Variants in LDAH observed in about 807,000 individuals in gnomAD.
The protein encoded by LDAH is lipid droplet associated hydrolase.
LDAH carries 26 observed loss-of-function variants against 29.6 expected under a neutral mutation model. The observed-to-expected ratio is 0.88, with a 90% CI of 0.64 to 1.22. The LOEUF is 1.22. Ranked by LOEUF, LDAH falls within the 50% of genes most tolerant of loss-of-function variation. The probability of loss-of-function intolerance (pLI) is 0.00; values close to 1 mark genes in which losing one functional copy is unlikely to be tolerated. For missense variants in LDAH, 344 were observed against 387.3 expected (o/e 0.89, Z 0.94); for synonymous variants, 117 against 133.0 (o/e 0.88, Z 0.83).
At chr2:20,771,482 C>T (rs150493264) in intron 4 of LDAH, among the ~76,000 whole-genome samples, 4 of 152,342 alleles carry the variant, frequency 2.6e-5, no homozygotes, top group South Asian at 2.1e-4. Flanking sequence ...CTTACACAAA[C>T]ATATTTGTCA....
intron 1 of LDAH, among the ~76,000 whole-genome samples, chr2:20,809,476 A>G (rs1176116209): frequency 6.6e-6 from 1 of 152,194 alleles, no homozygotes; most frequent in Non-Finnish European, 1.5e-5. Context: ...CACTATTAAG[A>G]GAGTCAGAAG....
At chr2:20,791,748 C>A (rs1223793289) in intron 2 of LDAH, among the ~76,000 whole-genome samples, 2 of 152,168 alleles carry the variant, frequency 1.3e-5, no homozygotes, top group East Asian at 3.8e-4. Context: ...GCATTTAAGT[C>A]TTCAGTAAGT....
intron 1 of LDAH, among the ~76,000 whole-genome samples, chr2:20,809,258 G>A (rs1157964431): frequency 1.4e-5 from 2 of 139,174 alleles, no homozygotes; most frequent in Admixed American, 6.9e-5. Context: ...AATTAGCTGC[G>A]CTTGGTGGCG....
intron 5 of LDAH, among the ~76,000 whole-genome samples, chr2:20,729,945 G>A (rs1454382777): frequency 6.6e-6 from 1 of 152,304 alleles, no homozygotes; most frequent in East Asian, 1.9e-4. Context: ...ACAGGTGTGT[G>A]CCACCATGCC....
At chr2:20,794,465 T>C (rs1440516060) in intron 2 of LDAH, among the ~76,000 whole-genome samples, 1 of 152,080 alleles carries the variant, frequency 6.6e-6, no homozygotes, top group East Asian at 1.9e-4. Flanking sequence ...TACAGACCAC[T>C]ATACCTCGTG....
At chr2:20,707,037 G>A (rs778982199) in intron 5 of LDAH, among the ~76,000 whole-genome samples, 9 of 152,120 alleles carry the variant, frequency 5.9e-5, no homozygotes, top group East Asian at 1.9e-4. Context: ...ATGATTCCAC[G>A]GTGAACATTT....
rs1226236225 is a variant in LDAH, at chr2:20,685,015, C to T, written c.*1888G>A. ...TCAGGAGAACTGCTCAAATTGTACC[C>T]TCTCTTGCCCAACACAGAGATCAGG... On this transcript the variant is annotated 3_prime_UTR_variant, in exon 7 of 7. Coordinates refer to ENST00000237822, the MANE Select transcript of LDAH (RefSeq NM_021925.4). The T allele has an allele frequency of 6.7e-7, 1 of 1,490,182 alleles. No homozygotes were observed. The highest frequency in any genetic ancestry group is 9.0e-7 in the Non-Finnish European group (1 of 1,106,546). The allele number at this position is 1,490,182 out of a possible 1,614,324, so 92.3% of individuals were successfully genotyped here.
intron 5 of LDAH, among the ~76,000 whole-genome samples, chr2:20,702,238 G>A (rs1264050294): frequency 6.6e-6 from 1 of 152,162 alleles, no homozygotes; most frequent in Non-Finnish European, 1.5e-5. Flanking sequence ...GATAACATGA[G>A]TTTATGTGGC....
chr2:20,731,603 A>G (rs113343764), intron 5 of LDAH, among the ~76,000 whole-genome samples: 3,704 of 152,112 alleles, frequency 0.024, 161 homozygotes, highest in African/African-American at 0.085. Flanking sequence ...GTCTTCTTTC[A>G]TTTCTTTATT....
At chr2:20,691,477 T>C (rs564902688) in intron 6 of LDAH, among the ~76,000 whole-genome samples, 53 of 152,196 alleles carry the variant, frequency 3.5e-4, no homozygotes, top group Non-Finnish European at 6.6e-4. Context: ...GCACCCAGCC[T>C]TCCCAACTAC....
chr2:20,769,519 T>C (rs903225968), intron 4 of LDAH, among the ~76,000 whole-genome samples: 1 of 152,202 alleles, frequency 6.6e-6, no homozygotes, highest in Admixed American at 6.5e-5. Flanking sequence ...CTCAGCAGAA[T>C]AGTGTAAGTA....
intron 1 of LDAH, among the ~76,000 whole-genome samples, chr2:20,817,907 T>C (rs1672962143): frequency 6.6e-6 from 1 of 152,144 alleles, no homozygotes; most frequent in South Asian, 2.1e-4. Flanking sequence ...CACAATATCC[T>C]TGAAATGACA....
intron 2 of LDAH, among the ~76,000 whole-genome samples, chr2:20,792,572 A>T (rs1671041833): frequency 6.6e-6 from 1 of 152,208 alleles, no homozygotes; most frequent in African/African-American, 2.4e-5. Flanking sequence ...ATATCTCTAT[A>T]AAGTAGTTGG....
At chr2:20,690,462 T>A (rs1662923871) in intron 6 of LDAH, among the ~76,000 whole-genome samples, 1 of 152,244 alleles carries the variant, frequency 6.6e-6, no homozygotes, top group Non-Finnish European at 1.5e-5. Context: ...AAAATTTTGT[T>A]TTCTTTTACA....
chr2:20,714,350 C>T lies in LDAH; in HGVS notation c.704-12698G>A, dbSNP rs543042210. ...GAAACCAATGAGAACAAAGACACAA[C>T]GTACCAGGATCTCTGGGACACATTT... is the stretch of plus-strand genomic sequence containing the variant. On this transcript the variant is annotated intron_variant, in intron 5 of 6. Transcript: ENST00000237822. 5.3e-5 allele frequency among the ~76,000 whole-genome samples: 8 copies of T among 152,282 alleles called. No individual in the cohort carries two copies. The South Asian group carries it at 6.2e-4, about 12-fold the overall frequency.
chr2:20,691,971 G>A (rs973467176), intron 6 of LDAH, among the ~76,000 whole-genome samples: 1 of 152,160 alleles, frequency 6.6e-6, no homozygotes, highest in African/African-American at 2.4e-5. Context: ...GGTTGCTGCA[G>A]CTTGTCCCCA....
chr2:20,776,036 A>G (rs1478127611), intron 3 of LDAH, among the ~76,000 whole-genome samples: 1 of 152,206 alleles, frequency 6.6e-6, no homozygotes, highest in Non-Finnish European at 1.5e-5. Context: ...GAACATATAT[A>G]TAACCCAATG....
intron 3 of LDAH, among the ~76,000 whole-genome samples, chr2:20,788,553 A>G (rs561110483): frequency 1.1e-4 from 17 of 152,348 alleles, no homozygotes; most frequent in Non-Finnish European, 2.1e-4. Flanking sequence ...TATAATAACG[A>G]AGACTATAGA....
chr2:20,746,082 C>T (rs1360617875), intron 4 of LDAH, among the ~76,000 whole-genome samples: 1 of 152,148 alleles, frequency 6.6e-6, no homozygotes, highest in East Asian at 1.9e-4. Flanking sequence ...GAGCAGAGTA[C>T]TTGAAGAAGA....
Sources: allele counts gnomAD v4.1 joint callset (sites outside exome capture counted in the v4.1 genomes callset), GRCh38; gene constraint gnomAD v4.1.1; transcripts MANE v1.5; gene names NCBI Gene and HGNC (gene_info 2026-07-23, HGNC 2026-07-21).